The following CACNB2 variants were observed in gnomAD, a reference collection of about 807,000 sequenced individuals.
CACNB2 encodes the protein calcium voltage-gated channel auxiliary subunit beta 2.
A neutral mutation model predicts 73.3 loss-of-function variants in CACNB2; 42 were observed. That is an observed-to-expected ratio of 0.57 (90% CI 0.45 to 0.74). The LOEUF is 0.74. Ranked by LOEUF, CACNB2 falls within the 30% of genes least tolerant of loss-of-function variation. The pLI, the probability that CACNB2 is intolerant of heterozygous loss-of-function variation, is 0.00. For synonymous variants in CACNB2, 348 were observed against 310.3 expected, an observed-to-expected ratio of 1.12 and a Z score of -1.28; for missense variants, 940 against 853.0, an observed-to-expected ratio of 1.10 and a Z score of -1.27.
At chr10:18,230,214 T>G (rs1418596908) in intron 2 of CACNB2, among the ~76,000 whole-genome samples, 4 of 152,148 alleles carry the variant, frequency 2.6e-5, no homozygotes, top group Non-Finnish European at 5.9e-5. Flanking sequence ...AAGATAGAAT[T>G]GTTAGAAGAA....
At chr10:18,480,049 C>T (rs572954236) in intron 3 of CACNB2, among the ~76,000 whole-genome samples, 44 of 152,238 alleles carry the variant, frequency 2.9e-4, no homozygotes, top group African/African-American at 9.6e-4. Flanking sequence ...CAAAGGAAAG[C>T]GAGTTATGAA....
At chr10:18,523,006 T>C (rs1228266099) in intron 9 of CACNB2, among the ~76,000 whole-genome samples, 1 of 151,902 alleles carries the variant, frequency 6.6e-6, no homozygotes, top group Non-Finnish European at 1.5e-5. Context: ...ATCAAGGTCT[T>C]CTAACCAAAT....
chr10:18,320,250 C>T (rs535415092), intron 2 of CACNB2, among the ~76,000 whole-genome samples: 9 of 152,318 alleles, frequency 5.9e-5, no homozygotes, highest in Non-Finnish European at 1.3e-4. Flanking sequence ...AGATTGGAAG[C>T]TGTTTGAGCA....
intron 2 of CACNB2, chr10:18,182,135 C>T (rs17605594): frequency 0.035 from 5,363 of 152,196 alleles, 127 homozygotes; most frequent in Non-Finnish European, 0.055. Flanking sequence ...AGCCACCTTC[C>T]CTTTGGCCCA....
chr10:18,254,783 G>A (rs983690504), intron 2 of CACNB2, among the ~76,000 whole-genome samples: 2 of 152,174 alleles, frequency 1.3e-5, no homozygotes, highest in Non-Finnish European at 2.9e-5. Context: ...AAGTACACTG[G>A]CACTGACATG....
rs150280879 is a variant in CACNB2, at chr10:18,539,301, T to C, written c.1560T>C (p.Pro520=). Residue 520 remains proline, a synonymous_variant, in exon 14 of 14, where the codon CCT becomes CCC. Transcript: ENST00000324631. ...IRSASQAEEE[P]SVEPVKKSQH... is the part of the protein sequence containing the mutation. ...CTGCTTCCCAAGCTGAAGAAGAACC[T>C]AGTGTGGAACCAGTCAAGAAATCCC... 2,875 of 1,613,808 alleles carry C rather than the reference T, an allele frequency of 1.8e-3. 4 individuals carry two copies. The highest frequency in any genetic ancestry group is 2.3e-3 in the Non-Finnish European group (2,761 of 1,179,916).
chr10:18,358,495 ACG>A lies in CACNB2; in HGVS notation c.214-43427_214-43426del, dbSNP rs1478424080. The stretch of plus-strand genomic sequence containing the variant: ...GAGGGAAATTCCTTTTCTAATGAGC[ACG>A]CTCTCTCTCTCTCTCTCTCTCTCTC... On this transcript the variant is annotated intron_variant, in intron 2 of 13. Coordinates refer to ENST00000324631, the MANE Select transcript of CACNB2 (RefSeq NM_201596.3). Among the ~76,000 whole-genome samples, 12 of 104,302 alleles carry A rather than the reference ACG, an allele frequency of 1.2e-4. No individual in the cohort carries two copies. In the South Asian group the frequency reaches 1.7e-3, roughly 15 times the overall value. 68.4% of individuals were successfully genotyped at this position (104,302 alleles called of 152,430 possible).
At chr10:18,519,842 T>G in intron 9 of CACNB2, 1 of 420,936 alleles carries the variant, frequency 2.4e-6, no homozygotes, top group Non-Finnish European at 4.7e-6. Flanking sequence ...GACCTTCACA[T>G]TGCTAAATCC....
At chr10:18,285,060 C>G (rs978448872) in intron 2 of CACNB2, among the ~76,000 whole-genome samples, 1 of 152,160 alleles carries the variant, frequency 6.6e-6, no homozygotes, top group Admixed American at 6.5e-5. Context: ...CAGTTCTGTG[C>G]TCATCAAATT....
chr10:18,245,122 C>T (rs901587702), intron 2 of CACNB2, among the ~76,000 whole-genome samples: 9 of 151,830 alleles, frequency 5.9e-5, no homozygotes, highest in Non-Finnish European at 8.8e-5. Flanking sequence ...TTTCGGACTC[C>T]CAGCCTGCAG....
intron 2 of CACNB2, among the ~76,000 whole-genome samples, chr10:18,237,781 A>G (rs1166282866): frequency 6.6e-6 from 1 of 152,250 alleles, no homozygotes; most frequent in African/African-American, 2.4e-5. Context: ...GATATACCCA[A>G]CAGGGGTAAT....
chr10:18,435,613 C>G (rs2046093979), intron 3 of CACNB2, among the ~76,000 whole-genome samples: 1 of 152,138 alleles, frequency 6.6e-6, no homozygotes, highest in African/African-American at 2.4e-5. Context: ...ATCCTCCCTC[C>G]TCAGCCTCCC....
At chr10:18,141,194 T>A (rs751631146) in intron 1 of CACNB2, 2 of 1,235,510 alleles carry the variant, frequency 1.6e-6, no homozygotes, top group Non-Finnish European at 2.1e-6. Context: ...ATCAGGGGAG[T>A]GGACTGGACC....
intron 2 of CACNB2, among the ~76,000 whole-genome samples, chr10:18,299,420 C>T (rs756332337): frequency 7.2e-5 from 11 of 152,238 alleles, no homozygotes; most frequent in East Asian, 3.9e-4. Flanking sequence ...AGAAGGGGAG[C>T]GGGAGCGTGG....
At chr10:18,159,223 C>T (rs766109891) in intron 2 of CACNB2, among the ~76,000 whole-genome samples, 1 of 152,092 alleles carries the variant, frequency 6.6e-6, no homozygotes, top group Non-Finnish European at 1.5e-5. Flanking sequence ...ATTGAAAGTA[C>T]ATTGTCATCT....
intron 2 of CACNB2, among the ~76,000 whole-genome samples, chr10:18,302,480 CTG>C (rs1564418729): frequency 1.3e-5 from 2 of 152,122 alleles, no homozygotes; most frequent in East Asian, 1.9e-4. Context: ...GATAGAGAAA[CTG>C]TGCGATATGT....
At chr10:18,261,429 G>T in intron 2 of CACNB2, 1 of 1,409,470 alleles carries the variant, frequency 7.1e-7, no homozygotes, top group Non-Finnish European at 9.8e-7. Context: ...GAACCAACCA[G>T]ACAGTCGATC....
At chr10:18,476,270 A>G (rs1406300439) in intron 3 of CACNB2, among the ~76,000 whole-genome samples, 9 of 152,230 alleles carry the variant, frequency 5.9e-5, no homozygotes, top group African/African-American at 2.2e-4. Context: ...TTATTGTTAC[A>G]GTGGAGGGTG....
chr10:18,244,002 C>T (rs772183030), intron 2 of CACNB2, among the ~76,000 whole-genome samples: 5 of 152,180 alleles, frequency 3.3e-5, no homozygotes, highest in East Asian at 3.8e-4. Flanking sequence ...TTTCTTCCAT[C>T]GTGCAACTGA....
Sources: allele counts gnomAD v4.1 joint callset (sites outside exome capture counted in the v4.1 genomes callset), GRCh38; gene constraint gnomAD v4.1.1; transcripts MANE v1.5; gene names NCBI Gene and HGNC (gene_info 2026-07-23, HGNC 2026-07-21).